TMEM131: variants seen among roughly 807,000 people sequenced by gnomAD.
TMEM131 encodes the protein 2610524E03Rik.
A neutral mutation model predicts 211.6 loss-of-function variants in TMEM131; 66 were observed. The ratio of observed to expected loss-of-function variants is 0.31; its 90% CI spans 0.26 to 0.38. The LOEUF (loss-of-function observed/expected upper bound fraction) is 0.38. Ranked by LOEUF, TMEM131 falls within the 10% of genes least tolerant of loss-of-function variation. The pLI is 1.00. For synonymous variants in TMEM131, 844 were observed against 841.3 expected (o/e 1.00, Z -0.06); for missense variants, 2,036 against 2,299.3 (o/e 0.89, Z 2.34).
chr2:97,786,406 T>C (rs899670645), intron 31 of TMEM131, among the ~76,000 whole-genome samples: 1 of 152,036 alleles, frequency 6.6e-6, no homozygotes, highest in African/African-American at 2.4e-5. Context: ...TGGTGGTGCA[T>C]ACCTACAAGT....
chr2:97,861,739 T>G (rs927831289), intron 4 of TMEM131, among the ~76,000 whole-genome samples: 3 of 152,040 alleles, frequency 2.0e-5, no homozygotes, highest in African/African-American at 7.3e-5. Context: ...GGTGTTTGAC[T>G]CCAGTCCCTG....
chr2:97,846,612 G>A (rs1052726399), intron 5 of TMEM131, among the ~76,000 whole-genome samples: 2 of 152,118 alleles, frequency 1.3e-5, no homozygotes, highest in Non-Finnish European at 2.9e-5. Context: ...ATGCAGCCCA[G>A]GATAGCTTGA....
intron 31 of TMEM131, 77 bp from the exon 32 acceptor site, chr2:97,776,095 C>T: frequency 1.4e-6 from 2 of 1,474,524 alleles, no homozygotes; most frequent in South Asian, 2.7e-5. Flanking sequence ...GCTCTGTCAC[C>T]CAGGCTGGAG....
chr2:97,823,872 C>T (rs1322978719), intron 11 of TMEM131, among the ~76,000 whole-genome samples: 7 of 152,160 alleles, frequency 4.6e-5, no homozygotes, highest in African/African-American at 1.7e-4. Context: ...ACCCAATCAG[C>T]CACAGATAAC....
chr2:97,815,922 G>C (rs1419740189), intron 12 of TMEM131, among the ~76,000 whole-genome samples: 4 of 152,116 alleles, frequency 2.6e-5, no homozygotes, highest in Non-Finnish European at 4.4e-5. Flanking sequence ...CAAGAATTCA[G>C]AGCTCTTCTC....
At chr2:97,869,454 C>A (rs559336022) in intron 4 of TMEM131, among the ~76,000 whole-genome samples, 2 of 152,306 alleles carry the variant, frequency 1.3e-5, no homozygotes, top group East Asian at 1.9e-4. Flanking sequence ...TGGGCCACAT[C>A]CCATAGAAAT....
intron 2 of TMEM131, among the ~76,000 whole-genome samples, chr2:97,909,217 T>C (rs1208839804): frequency 6.6e-6 from 1 of 152,098 alleles, no homozygotes; most frequent in Non-Finnish European, 1.5e-5. Flanking sequence ...AATATTTACA[T>C]AAAAACCTGA....
intron 5 of TMEM131, among the ~76,000 whole-genome samples, chr2:97,845,759 C>CAAAA (rs59502408): frequency 2.7e-4 from 33 of 122,198 alleles, no homozygotes; most frequent in African/African-American, 8.5e-4. Context: ...CAGAAAGTAG[C>CAAAA]AAAAAAAAAA....
chr2:97,837,452 TCCAAAGGGAATCACTTACAAAAATTA>T (rs1682990144), intron 7 of TMEM131, among the ~76,000 whole-genome samples: 1 of 152,200 alleles, frequency 6.6e-6, no homozygotes, highest in Admixed American at 6.5e-5. Context: ...TTTTCTTTTT[TCCAAAGGGAATCACTTACAAAAATTA>T]CCAAGTTTTG....
rs747459270 is a variant in TMEM131, at chr2:97,792,828, G to A, written c.3702C>T (p.Asn1234=). The A allele has an allele frequency of 8.7e-5, 140 of 1,613,848 alleles. No individual in the cohort carries two copies. Among genetic ancestry groups the A allele is most frequent in the Middle Eastern group, 4.9e-4 (3 of 6,084 alleles). The change falls in exon 31 of 41, where the codon AAC becomes AAT. Residue 1234 remains asparagine, a synonymous_variant. Transcript: ENST00000186436. ...TACTTGAACTGTTTTTGGCTCTGAC[G>A]TTTTCCACGTCAGCTGAGTTTCTAT... ...HSNRNSADVE[N]VRAKNSSSTS...
chr2:97,971,917 A>G (rs1441854785), intron 1 of TMEM131, among the ~76,000 whole-genome samples: 3 of 152,164 alleles, frequency 2.0e-5, no homozygotes, highest in Non-Finnish European at 4.4e-5. Flanking sequence ...CACTGTCATC[A>G]AAAGAAAGGA....
At chr2:97,850,106 A>AAAAAC (rs796997490) in intron 5 of TMEM131, among the ~76,000 whole-genome samples, 61 of 152,220 alleles carry the variant, frequency 4.0e-4, no homozygotes, top group Middle Eastern at 3.4e-3. Flanking sequence ...GCAGTATGAA[A>AAAAAC]AAAACAAAAC....
intron 1 of TMEM131, among the ~76,000 whole-genome samples, chr2:97,953,340 C>T (rs545279253): frequency 2.8e-4 from 43 of 152,198 alleles, no homozygotes; most frequent in African/African-American, 1.0e-3. Context: ...CATAAAAGGT[C>T]GTTAAAAGAT....
intron 31 of TMEM131, among the ~76,000 whole-genome samples, chr2:97,783,657 A>G (rs1358929732): frequency 6.6e-6 from 1 of 152,134 alleles, no homozygotes; most frequent in African/African-American, 2.4e-5. Flanking sequence ...CAGACAAAAC[A>G]GAATTCTAAA....
At chr2:97,829,042 C>T (rs771646753) in intron 11 of TMEM131, among the ~76,000 whole-genome samples, 3 of 152,188 alleles carry the variant, frequency 2.0e-5, no homozygotes, top group Non-Finnish European at 4.4e-5. Context: ...CTTTGACTGG[C>T]CTAGACAGTT....
chr2:97,773,846 G>C (rs1207605494), intron 32 of TMEM131, among the ~76,000 whole-genome samples: 1 of 152,092 alleles, frequency 6.6e-6, no homozygotes, highest in Non-Finnish European at 1.5e-5. Flanking sequence ...ACTCGCCTGG[G>C]GAGCTGCATG....
intron 2 of TMEM131, among the ~76,000 whole-genome samples, chr2:97,926,742 C>T (rs958454347): frequency 6.6e-6 from 1 of 152,174 alleles, no homozygotes; most frequent in Non-Finnish European, 1.5e-5. Flanking sequence ...CATCTAGATA[C>T]AAATTAGCAG....
chr2:97,899,860 A>G (rs546070416), intron 3 of TMEM131, among the ~76,000 whole-genome samples: 171 of 152,246 alleles, frequency 1.1e-3, no homozygotes, highest in African/African-American at 4.0e-3. Flanking sequence ...TAATGCATGC[A>G]TTACCTCACA....
chr2:97,788,290 G>C (rs926844760), intron 31 of TMEM131, among the ~76,000 whole-genome samples: 1 of 152,174 alleles, frequency 6.6e-6, no homozygotes, highest in East Asian at 1.9e-4. Context: ...ACAGATCCAA[G>C]TTTCCTGCCC....
Sources: allele counts gnomAD v4.1 joint callset (sites outside exome capture counted in the v4.1 genomes callset), GRCh38; gene constraint gnomAD v4.1.1; transcripts MANE v1.5; gene names NCBI Gene and HGNC (gene_info 2026-07-23, HGNC 2026-07-21).